OSBPL10: variants seen among roughly 807,000 people sequenced by gnomAD.
OSBPL10 encodes the protein oxysterol-binding protein-related protein 10.
A neutral mutation model predicts 81.7 loss-of-function variants in OSBPL10; 49 were observed. That is an observed-to-expected ratio of 0.60 (90% CI 0.48 to 0.76). The LOEUF (loss-of-function observed/expected upper bound fraction) is 0.76, where lower values mean the gene tolerates loss of function less well. Ranked by LOEUF, OSBPL10 falls within the 30% of genes least tolerant of loss-of-function variation. The pLI, the probability that OSBPL10 is intolerant of heterozygous loss-of-function variation, is 0.00. For synonymous variants in OSBPL10, 419 were observed against 383.6 expected (o/e 1.09, Z -1.08); for missense variants, 923 against 987.8 (o/e 0.93, Z 0.88).
chr3:31,919,790 G>C (rs1696860617), intron 1 of OSBPL10, among the ~76,000 whole-genome samples: 1 of 152,206 alleles, frequency 6.6e-6, no homozygotes, highest in African/African-American at 2.4e-5. Context: ...AGGAAAACAG[G>C]AAGTACAACA....
chr3:31,721,483 A>G (rs928691054), intron 6 of OSBPL10: 1 of 152,244 alleles, frequency 6.6e-6, no homozygotes, highest in African/African-American at 2.4e-5. Context: ...GGGCCGCACC[A>G]GGTGATTTCA....
intron 4 of OSBPL10, among the ~76,000 whole-genome samples, chr3:31,766,324 TTTTTG>T (rs1343975054): frequency 8.0e-5 from 5 of 62,778 alleles, no homozygotes; most frequent in East Asian, 1.3e-3. Flanking sequence ...CAATGTAGTT[TTTTTG>T]TTTTTTTGTT....
At chr3:31,944,717 A>T (rs567283331) in intron 1 of OSBPL10, among the ~76,000 whole-genome samples, 1 of 151,978 alleles carries the variant, frequency 6.6e-6, no homozygotes, top group South Asian at 2.1e-4. Flanking sequence ...CAGCACATCC[A>T]TCAGCCAATC....
intron 8 of OSBPL10, among the ~76,000 whole-genome samples, chr3:31,681,465 C>G (rs1382679428): frequency 6.6e-6 from 1 of 152,134 alleles, no homozygotes; most frequent in African/African-American, 2.4e-5. Flanking sequence ...CCTCTCCTTC[C>G]TTCTCTCTTG....
At chr3:32,068,134 C>T (rs1342191307) in intron 1 of OSBPL10, among the ~76,000 whole-genome samples, 1 of 152,204 alleles carries the variant, frequency 6.6e-6, no homozygotes, top group African/African-American at 2.4e-5. Flanking sequence ...TCTTTCCTTC[C>T]AATTCCAGTT....
At chr3:32,042,388 G>A (rs1008420132) in intron 2 of OSBPL10, among the ~76,000 whole-genome samples, 1 of 152,204 alleles carries the variant, frequency 6.6e-6, no homozygotes, top group Non-Finnish European at 1.5e-5. Flanking sequence ...AGCAGTGGTA[G>A]TGAAACAATG....
intron 3 of OSBPL10, among the ~76,000 whole-genome samples, chr3:31,851,564 A>T (rs949600035): frequency 6.6e-6 from 1 of 152,276 alleles, no homozygotes; most frequent in Non-Finnish European, 1.5e-5. Flanking sequence ...TACCCAGACC[A>T]GCACGACTCA....
intron 1 of OSBPL10, among the ~76,000 whole-genome samples, chr3:31,888,271 T>C (rs942472321): frequency 7.2e-5 from 11 of 152,132 alleles, no homozygotes; most frequent in Non-Finnish European, 1.2e-4. Flanking sequence ...TGGATATCCA[T>C]ATGCAGAAGA....
intron 5 of OSBPL10, among the ~76,000 whole-genome samples, chr3:31,745,995 C>A (rs2125693466): frequency 6.6e-6 from 1 of 152,244 alleles, no homozygotes; most frequent in East Asian, 1.9e-4. Context: ...AATTAAGTGA[C>A]CCCTGGGCAA....
chr3:31,817,241 G>A (rs111710469), intron 4 of OSBPL10, among the ~76,000 whole-genome samples: 431 of 152,300 alleles, frequency 2.8e-3, no homozygotes, highest in African/African-American at 9.5e-3. Context: ...GGGCCTTACT[G>A]GGGCCTGCCC....
intron 4 of OSBPL10, among the ~76,000 whole-genome samples, chr3:31,766,329 G>GTTTTTTTTTTTT (rs148986285): frequency 4.4e-5 from 1 of 22,630 alleles, no homozygotes; most frequent in African/African-American, 7.7e-5. Context: ...TAGTTTTTTT[G>GTTTTTTTTTTTT]TTTTTTTGTT....
At chr3:31,960,975 G>A (rs988052483) in intron 1 of OSBPL10, among the ~76,000 whole-genome samples, 4 of 151,182 alleles carry the variant, frequency 2.6e-5, no homozygotes, top group Admixed American at 1.3e-4. Flanking sequence ...AAAAAATGGT[G>A]TAAACCACCT....
chr3:31,747,987 C>T lies in OSBPL10; in HGVS notation c.863G>A (p.Cys288Tyr). 1 of 1,614,142 alleles carries T rather than the reference C, an allele frequency of 6.2e-7. No individual in the cohort carries two copies. The highest frequency in any genetic ancestry group is 8.5e-7 in the Non-Finnish European group (1 of 1,180,024). Residue 288 changes from cysteine (C) to tyrosine (Y), a missense_variant, in exon 5 of 12, where the codon TGC becomes TAC. Physicochemically the swap from Cys to Tyr is radical, Grantham distance 194. This residue lies in a region of OSBPL10 where 514 missense variants were observed against 508.0 expected (regional missense o/e 1.01). Coordinates refer to ENST00000396556, the MANE Select transcript of OSBPL10 (RefSeq NM_017784.5). ...TAACAAGTTGAGGCACTCCCCAAGG[C>T]AGCTGAGGGTGGCAGCAGAGGTAGC... Reference protein sequence around the residue: ...LKATSAATLSCLGECLNLLQQ... With the variant: ...LKATSAATLSYLGECLNLLQQ...
chr3:31,833,168 G>C (rs1234109488), intron 3 of OSBPL10, among the ~76,000 whole-genome samples: 1 of 152,158 alleles, frequency 6.6e-6, no homozygotes, highest in African/African-American at 2.4e-5. Context: ...AGAGTCCACT[G>C]AAATATATTT....
intron 4 of OSBPL10, among the ~76,000 whole-genome samples, chr3:31,756,699 T>C (rs1697898773): frequency 6.6e-6 from 1 of 152,194 alleles, no homozygotes; most frequent in Admixed American, 6.5e-5. Context: ...TGAAACAATA[T>C]TGGCTTTGGG....
chr3:31,874,539 A>T (rs1701402835), intron 3 of OSBPL10, among the ~76,000 whole-genome samples: 1 of 152,196 alleles, frequency 6.6e-6, no homozygotes, highest in Non-Finnish European at 1.5e-5. Context: ...AATGAGCTTA[A>T]TAGAAAAACA....
Position 31,879,808 on chromosome 3 carries a change from C to T in OSBPL10, c.304G>A (p.Ala102Thr). The T allele has an allele frequency of 1.9e-6, 3 of 1,613,952 alleles. No homozygotes were observed. Among genetic ancestry groups the T allele is most frequent in the Non-Finnish European group, 2.5e-6 (3 of 1,179,940 alleles). ...QNRYFVLDFE[A>T]GILQYFVNEQ... is the part of the protein sequence containing the mutation. ...TTCACAAAATACTGCAGGATGCCAG[C>T]CTCGAAATCCAGTACGAAGTACCTG... Residue 102 changes from alanine to threonine, a missense_variant, in exon 2 of 12, where the codon GCT becomes ACT. Ala to Thr is a moderately conservative substitution (Grantham distance 58). Transcript: ENST00000396556.
intron 1 of OSBPL10, among the ~76,000 whole-genome samples, chr3:31,980,688 C>T (rs1432124671): frequency 6.6e-6 from 1 of 152,176 alleles, no homozygotes; most frequent in Non-Finnish European, 1.5e-5. Context: ...GCGGTGCGGT[C>T]CCGGGGTGGA....
At chr3:31,899,268 G>A (rs1575605597) in intron 1 of OSBPL10, among the ~76,000 whole-genome samples, 1 of 151,918 alleles carries the variant, frequency 6.6e-6, no homozygotes, top group Non-Finnish European at 1.5e-5. Context: ...AGCTTAATAT[G>A]GATGGTAAAG....
Sources: allele counts gnomAD v4.1 joint callset (sites outside exome capture counted in the v4.1 genomes callset), GRCh38; gene constraint gnomAD v4.1.1; regional missense constraint gnomAD v4.1.1; transcripts MANE v1.5; gene names NCBI Gene and HGNC (gene_info 2026-07-23, HGNC 2026-07-21).